SLC25A26: variants seen among roughly 807,000 people sequenced by gnomAD.
SLC25A26 encodes the protein mitochondrial S-adenosylmethionine carrier protein.
Under a neutral mutation model 37.8 loss-of-function variants are expected in SLC25A26, and 36 were observed. The observed-to-expected ratio is 0.95, with a 90% confidence interval of 0.73 to 1.26. The LOEUF is 1.26. Ranked by LOEUF, SLC25A26 falls within the 50% of genes most tolerant of loss-of-function variation. The pLI, the probability that SLC25A26 is intolerant of heterozygous loss-of-function variation, is 0.00. For synonymous variants in SLC25A26, 129 were observed against 122.5 expected, an observed-to-expected ratio of 1.05 and a Z score of -0.35; for missense variants, 390 against 331.1, an observed-to-expected ratio of 1.18 and a Z score of -1.38.
At chr3:66,176,754 A>C (rs1026812740) in intron 1 of SLC25A26, among the ~76,000 whole-genome samples, 3 of 152,046 alleles carry the variant, frequency 2.0e-5, no homozygotes, top group Non-Finnish European at 2.9e-5. Context: ...TCATATTGTT[A>C]TTTCTCCTAA....
At chr3:66,329,012 G>A (rs2075907301) in intron 5 of SLC25A26, among the ~76,000 whole-genome samples, 1 of 152,216 alleles carries the variant, frequency 6.6e-6, no homozygotes, top group Middle Eastern at 3.4e-3. Flanking sequence ...TGACGTATTT[G>A]TGAAGTATGT....
At chr3:66,176,077 C>T (rs1342472030) in intron 1 of SLC25A26, among the ~76,000 whole-genome samples, 2 of 152,110 alleles carry the variant, frequency 1.3e-5, no homozygotes, top group Non-Finnish European at 2.9e-5. Context: ...TTTGCTTGAA[C>T]ATGATGTTTG....
chr3:66,190,819 G>T (rs1244958640), intron 1 of SLC25A26, among the ~76,000 whole-genome samples: 1 of 152,134 alleles, frequency 6.6e-6, no homozygotes, highest in Non-Finnish European at 1.5e-5. Flanking sequence ...GCTTTAACTC[G>T]CAAGAAATTA....
At chr3:66,278,673 T>TTATA (rs1418295547) in intron 5 of SLC25A26, among the ~76,000 whole-genome samples, 2 of 152,138 alleles carry the variant, frequency 1.3e-5, no homozygotes, top group African/African-American at 4.8e-5. Flanking sequence ...AAACTTTAAG[T>TTATA]TATATATTCG....
intron 5 of SLC25A26, among the ~76,000 whole-genome samples, chr3:66,270,853 GT>G (rs1220312149): frequency 2.6e-5 from 4 of 152,102 alleles, no homozygotes; most frequent in Non-Finnish European, 5.9e-5. Context: ...TCAGTGCATA[GT>G]TTCTCATGTT....
chr3:66,279,841 T>C (rs2074278505), intron 5 of SLC25A26, among the ~76,000 whole-genome samples: 1 of 152,218 alleles, frequency 6.6e-6, no homozygotes, highest in African/African-American at 2.4e-5. Flanking sequence ...GTCTTTCCTA[T>C]TATCAGTGAA....
At chr3:66,172,314 G>A (rs531716714) in intron 1 of SLC25A26, among the ~76,000 whole-genome samples, 1 of 149,210 alleles carries the variant, frequency 6.7e-6, no homozygotes, top group East Asian at 2.1e-4. Context: ...AAGAGGCTGA[G>A]GTGGAAGGAT....
chr3:66,291,026 T>C (rs564098981), intron 5 of SLC25A26, among the ~76,000 whole-genome samples: 1 of 152,332 alleles, frequency 6.6e-6, no homozygotes, highest in East Asian at 1.9e-4. Flanking sequence ...TTCACCTTCT[T>C]CCTGGTTTAG....
At chr3:66,191,186 A>C (rs978453046) in intron 1 of SLC25A26, among the ~76,000 whole-genome samples, 3 of 152,188 alleles carry the variant, frequency 2.0e-5, no homozygotes, top group Non-Finnish European at 4.4e-5. Context: ...AGAAGTACTG[A>C]AAAGAATCCA....
At chr3:66,159,099 A>G (rs900000727) in intron 1 of SLC25A26, among the ~76,000 whole-genome samples, 1 of 152,208 alleles carries the variant, frequency 6.6e-6, no homozygotes, top group African/African-American at 2.4e-5. Context: ...AGAGGCCATG[A>G]TGCAAGAACA....
chr3:66,165,157 C>T (rs896676662), intron 1 of SLC25A26, among the ~76,000 whole-genome samples: 9 of 152,172 alleles, frequency 5.9e-5, no homozygotes, highest in African/African-American at 1.9e-4. Flanking sequence ...TCTCCACAGG[C>T]GACACAGTGA....
chr3:66,365,570 C>A (rs1031345445), intron 7 of SLC25A26, among the ~76,000 whole-genome samples: 1 of 152,090 alleles, frequency 6.6e-6, no homozygotes, highest in African/African-American at 2.4e-5. Context: ...TGATTAGTTT[C>A]TCATAATAAA....
intron 3 of SLC25A26, among the ~76,000 whole-genome samples, chr3:66,258,943 T>A (rs1376045956): frequency 6.6e-6 from 1 of 152,122 alleles, no homozygotes; most frequent in Non-Finnish European, 1.5e-5. Context: ...ACATCTCAGT[T>A]GTACTAGCCA....
At chr3:66,204,871 T>C (rs2071157319) in intron 1 of SLC25A26, among the ~76,000 whole-genome samples, 1 of 152,190 alleles carries the variant, frequency 6.6e-6, no homozygotes. Context: ...GCCTTAGCTA[T>C]CAGTCAACAT....
chr3:66,222,962 A>G (rs1165270345), intron 1 of SLC25A26, among the ~76,000 whole-genome samples: 1 of 152,230 alleles, frequency 6.6e-6, no homozygotes, highest in Non-Finnish European at 1.5e-5. Flanking sequence ...TCAAGAAACT[A>G]GATTTCATTC....
chr3:66,296,543 A>G (rs1038221905), intron 5 of SLC25A26, among the ~76,000 whole-genome samples: 1 of 152,240 alleles, frequency 6.6e-6, no homozygotes, highest in African/African-American at 2.4e-5. Flanking sequence ...AGCTTTGGCA[A>G]CTATGAAAGC....
intron 1 of SLC25A26, among the ~76,000 whole-genome samples, chr3:66,194,254 A>T (rs2071000668): frequency 6.6e-6 from 1 of 152,208 alleles, no homozygotes; most frequent in South Asian, 2.1e-4. Context: ...TTGTGTATTT[A>T]TTCTCAGGGT....
chr3:66,245,237 A>G (rs527741931), intron 3 of SLC25A26, among the ~76,000 whole-genome samples: 2 of 127,260 alleles, frequency 1.6e-5, no homozygotes, highest in Admixed American at 8.4e-5. Flanking sequence ...GAAATCGTAA[A>G]CACAGTTATG....
intron 9 of SLC25A26, among the ~76,000 whole-genome samples, chr3:66,374,134 T>C (rs1428335983): frequency 2.0e-5 from 3 of 152,240 alleles, no homozygotes; most frequent in South Asian, 2.1e-4. Flanking sequence ...TCATTAACTC[T>C]TTCTGCTTAC....
Sources: gnomAD v4.1 joint callset for allele counts (sites outside exome capture counted in the v4.1 genomes callset) on GRCh38, gnomAD v4.1.1 for gene constraint, MANE v1.5 for transcripts, NCBI Gene and HGNC (gene_info 2026-07-23, HGNC 2026-07-21) for gene names.